SCGN: variants seen among roughly 807,000 people sequenced by gnomAD.
SCGN encodes secretagogin.
A neutral mutation model predicts 39.7 loss-of-function variants in SCGN; 30 were observed. The observed-to-expected ratio is 0.76, with a 90% confidence interval of 0.57 to 1.03. The LOEUF (loss-of-function observed/expected upper bound fraction) is 1.03, where lower values mean the gene tolerates loss of function less well. Ranked by LOEUF, SCGN falls within the 50% of genes least tolerant of loss-of-function variation. SCGN has a pLI of 0.00. For missense variants in SCGN, 353 were observed against 349.4 expected (o/e 1.01, Z -0.08); for synonymous variants, 106 against 114.1 (o/e 0.93, Z 0.45).
rs1242611777 is a variant in SCGN at position 25,662,928 on chromosome 6, A to G, written c.246+1284A>G. 2.0e-5 allele frequency among the ~76,000 whole-genome samples: 3 copies of G among 152,252 alleles called. No individual in the cohort carries two copies. The East Asian group carries it at 5.8e-4, about 29-fold the overall frequency. On this transcript the variant is annotated intron_variant, in intron 3 of 10. Coordinates refer to ENST00000377961, the MANE Select transcript of SCGN (RefSeq NM_006998.4). ...CAGAGCATAGCACATAGTAGTGCTC[A>G]GTATTTCTTGACCTAATTAACGAAT...
At chr6:25,661,671 G>T in intron 3 of SCGN, 27 bp downstream of exon 3, 1 of 1,426,834 alleles carries the variant, frequency 7.0e-7, no homozygotes, top group Non-Finnish European at 9.9e-7. Context: ...TATTTTTCAT[G>T]GCTCTACTCT....
intron 4 of SCGN, among the ~76,000 whole-genome samples, chr6:25,666,310 G>A (rs1316936475): frequency 6.6e-6 from 1 of 151,788 alleles, no homozygotes; most frequent in Non-Finnish European, 1.5e-5. Context: ...AGCATAGATC[G>A]CACCATTGCA....
intron 10 of SCGN, among the ~76,000 whole-genome samples, chr6:25,695,284 A>G (rs965814467): frequency 1.3e-5 from 2 of 152,174 alleles, no homozygotes; most frequent in African/African-American, 4.8e-5. Context: ...TACTTAACAT[A>G]TACAATTTGA....
chr6:25,662,671 G>C (rs1760357200), intron 3 of SCGN, among the ~76,000 whole-genome samples: 1 of 152,196 alleles, frequency 6.6e-6, no homozygotes, highest in Non-Finnish European at 1.5e-5. Flanking sequence ...TTCACCAGGA[G>C]ACTGCCTTTT....
At chr6:25,664,171 G>C (rs1391726594) in intron 3 of SCGN, among the ~76,000 whole-genome samples, 1 of 152,172 alleles carries the variant, frequency 6.6e-6, no homozygotes, top group Non-Finnish European at 1.5e-5. Context: ...ATGTAAAAAA[G>C]CTGATTGGTT....
intron 10 of SCGN, among the ~76,000 whole-genome samples, chr6:25,694,544 A>G (rs1296569709): frequency 6.6e-6 from 1 of 152,226 alleles, no homozygotes; most frequent in Admixed American, 6.5e-5. Context: ...CAGTGTAAGC[A>G]CCAGCCAATT....
At chr6:25,676,730 G>A (rs1041894118) in intron 6 of SCGN, among the ~76,000 whole-genome samples, 42 of 151,910 alleles carry the variant, frequency 2.8e-4, no homozygotes, top group African/African-American at 7.2e-4. Flanking sequence ...TTCATGTTAC[G>A]TATGTAAAAC....
chr6:25,653,287 CT>C lies in SCGN; in HGVS notation c.83-92del, dbSNP rs1760166210. The C allele has an allele frequency of 5.8e-6, 5 of 865,996 alleles. No homozygotes were observed. In the Admixed American group the frequency reaches 1.2e-4, roughly 20 times the overall value. 53.6% of individuals were successfully genotyped at this position (865,996 alleles called of 1,614,324 possible). A position where few individuals can be genotyped will look rare whatever the true frequency, so the allele number is the denominator to read the frequency against. ...TAACAAAAAATAGTGTTGAGGGAAGCTTTATGAATTGTGAGATTAAAAACAT... is the reference window on the plus strand; with the variant it reads ...TAACAAAAAATAGTGTTGAGGGAAGCTTATGAATTGTGAGATTAAAAACAT... On this transcript the variant is annotated intron_variant, in intron 1 of 10. Coordinates refer to ENST00000377961, the MANE Select transcript of SCGN (RefSeq NM_006998.4).
chr6:25,669,963 A>T (rs749044068), intron 5 of SCGN, 36 bp from the exon 6 acceptor site: 4 of 1,533,592 alleles, frequency 2.6e-6, no homozygotes, highest in Non-Finnish European at 9.0e-7. Context: ...TTATTTGCTC[A>T]CTATATAAAG....
chr6:25,654,096 C>T (rs1425306081), intron 2 of SCGN, among the ~76,000 whole-genome samples: 5 of 152,056 alleles, frequency 3.3e-5, no homozygotes, highest in African/African-American at 7.2e-5. Context: ...AACACATGAG[C>T]GGAGGACAGC....
At chr6:25,653,709 A>T (rs1388020397) in intron 2 of SCGN, among the ~76,000 whole-genome samples, 3 of 152,218 alleles carry the variant, frequency 2.0e-5, no homozygotes, top group South Asian at 2.1e-4. Context: ...CTGTAGACTC[A>T]GTTAACTTGG....
chr6:25,653,517 T>C (rs548840166), intron 2 of SCGN, 65 bp downstream of exon 2: 147 of 1,170,214 alleles, frequency 1.3e-4, no homozygotes, highest in Non-Finnish European at 1.5e-5. Context: ...CCAAGTCTTA[T>C]ATTGATTGGT....
chr6:25,658,186 C>T (rs60513855), intron 2 of SCGN, among the ~76,000 whole-genome samples: 40,214 of 150,422 alleles, frequency 0.27, 5,398 homozygotes, highest in African/African-American at 0.28. Flanking sequence ...ACTACAGGCA[C>T]GTGCCACCAC....
chr6:25,669,775 A>G (rs1759465859), intron 5 of SCGN, among the ~76,000 whole-genome samples: 1 of 152,160 alleles, frequency 6.6e-6, no homozygotes, highest in African/African-American at 2.4e-5. Context: ...AAAGAAGCAT[A>G]ATTGAGCATT....
At chr6:25,671,220 T>G (rs1302944520) in intron 6 of SCGN, among the ~76,000 whole-genome samples, 1 of 152,228 alleles carries the variant, frequency 6.6e-6, no homozygotes, top group African/African-American at 2.4e-5. Flanking sequence ...CACGCAATTT[T>G]ATGTATCTGA....
chr6:25,697,651 T>C (rs755442249), intron 10 of SCGN, among the ~76,000 whole-genome samples: 34 of 152,186 alleles, frequency 2.2e-4, no homozygotes, highest in Admixed American at 1.4e-3. Context: ...ATAGATATAA[T>C]TGAGCACCTA....
intron 5 of SCGN, among the ~76,000 whole-genome samples, 185 bp downstream of exon 5, chr6:25,669,752 T>C (rs1028105198): frequency 6.6e-6 from 1 of 152,188 alleles, no homozygotes; most frequent in African/African-American, 2.4e-5. Context: ...CAAGTCACAT[T>C]GCTCTCTCTG....
intron 4 of SCGN, among the ~76,000 whole-genome samples, chr6:25,665,548 G>C (rs1398501067): frequency 1.3e-5 from 2 of 152,118 alleles, no homozygotes; most frequent in Admixed American, 6.5e-5. Context: ...AGTTAAAGGC[G>C]GTATCAATGG....
At position 25,653,301 on chromosome 6, in the gene SCGN, A is replaced by G. The variant is rs558828033; in HGVS notation, c.83-81A>G. 617 of 992,542 alleles carry G rather than the reference A, an allele frequency of 6.2e-4. 2 individuals are homozygous for G. In the African/African-American group the frequency reaches 9.1e-3, roughly 15 times the overall value. The allele number at this position is 992,542 out of a possible 1,614,324, so 61.5% of individuals were successfully genotyped here. A position where few individuals can be genotyped will look rare whatever the true frequency, so the allele number is the denominator to read the frequency against. On this transcript the variant is annotated intron_variant, in intron 1 of 10. Transcript: ENST00000377961. ...GTTGAGGGAAGCTTTATGAATTGTG[A>G]GATTAAAAACATATTTAGATAAATA...
Sources: gnomAD v4.1 joint callset for allele counts (sites outside exome capture counted in the v4.1 genomes callset) on GRCh38, gnomAD v4.1.1 for gene constraint, MANE v1.5 for transcripts, NCBI Gene and HGNC (gene_info 2026-07-23, HGNC 2026-07-21) for gene names.